Variants in BOC observed in about 807,000 individuals in gnomAD.
BOC encodes BOC cell adhesion associated, oncogene regulated.
In BOC, 76 loss-of-function variants were observed where a neutral mutation model predicts 112.0. That is an observed-to-expected ratio of 0.68 (90% CI 0.56 to 0.82). The LOEUF is 0.82. BOC is among the 40% of genes least tolerant of loss of function. BOC has a pLI of 0.00. For missense variants in BOC, 1,309 were observed against 1,511.7 expected, an observed-to-expected ratio of 0.87 and a Z score of 2.22; for synonymous variants, 580 against 599.8, an observed-to-expected ratio of 0.97 and a Z score of 0.48.
rs150642347 is a variant in BOC at position 113,274,620 on chromosome 3, C to T, written c.1480C>T (p.Arg494Trp). ...SKTDSYELVW[R>W]PRHEGSGRAP... ...GACAGACTCATATGAACTGGTGTGG[C>T]GGCCTCGGCATGAGGGCAGTGGCCG... The change falls in exon 9 of 20, where the codon CGG becomes TGG. Residue 494 changes from arginine (R) to tryptophan (W), a missense_variant. Transcript: ENST00000682979. The surrounding 1 kb of genome is among the most constrained non-coding windows in gnomAD (Gnocchi z 4.8). 3.6e-4 allele frequency: 578 copies of T among 1,611,484 alleles called. 1 individual carries two copies. Among genetic ancestry groups the T allele is most frequent in the African/African-American group, 7.5e-4 (56 of 75,018 alleles).
At chr3:113,276,015 G>C (rs1391360122) in intron 9 of BOC, among the ~76,000 whole-genome samples, 1 of 152,244 alleles carries the variant, frequency 6.6e-6, no homozygotes, top group African/African-American at 2.4e-5. Context: ...TAGGCAGCCA[G>C]CAAAGCGGGT....
chr3:113,271,984 A>C (rs1948170301), intron 6 of BOC: 1 of 202,836 alleles, frequency 4.9e-6, no homozygotes, highest in Non-Finnish European at 1.0e-5. Flanking sequence ...GTTGGGCCTG[A>C]GAACCATAGG....
At chr3:113,261,966 AG>A (rs1946930311) in intron 4 of BOC, 1 of 150,922 alleles carries the variant, frequency 6.6e-6, no homozygotes, top group African/African-American at 2.5e-5. Context: ...GCATCTACAA[AG>A]GTTTGTTTTT....
chr3:113,276,172 A>G (rs896751514), intron 9 of BOC, among the ~76,000 whole-genome samples: 22 of 152,186 alleles, frequency 1.4e-4, no homozygotes, highest in African/African-American at 5.1e-4. Context: ...TTCCCAGGAG[A>G]CAAAACCCAG....
At chr3:113,275,227 C>T (rs1948538303) in intron 9 of BOC, among the ~76,000 whole-genome samples, 1 of 152,230 alleles carries the variant, frequency 6.6e-6, no homozygotes, top group Non-Finnish European at 1.5e-5. Context: ...GTTGGACAAG[C>T]AGGCATTTGA....
Position 113,274,730 on chromosome 3 carries a change from G to T in BOC, c.1542+48G>T. The T allele has an allele frequency of 6.6e-7, 1 of 1,519,600 alleles. No homozygotes were observed. Among genetic ancestry groups the T allele is most frequent in the African/African-American group, 1.4e-5 (1 of 72,682 alleles). 94.1% of individuals were successfully genotyped at this position (1,519,600 alleles called of 1,614,324 possible). On this transcript the variant is annotated intron_variant, in intron 9 of 19. Transcript: ENST00000682979. The surrounding 1 kb of genome is among the most constrained non-coding windows in gnomAD (Gnocchi z 4.8). ...CTGCCTCCCCTGCACAGCCTTTCCA[G>T]CAAGGCTGAGCAGAGTCACTGTCTC...
intron 1 of BOC, among the ~76,000 whole-genome samples, chr3:113,212,917 G>A (rs895305271): frequency 6.6e-6 from 1 of 152,186 alleles, no homozygotes; most frequent in Admixed American, 6.5e-5. Context: ...TGACTTTCAG[G>A]ATGTTCAGTA....
chr3:113,273,706 G>A (rs1434808673), intron 8 of BOC, among the ~76,000 whole-genome samples: 1 of 152,086 alleles, frequency 6.6e-6, no homozygotes, highest in African/African-American at 2.4e-5. Context: ...AGAGCAACAG[G>A]GCAAAGACCC....
rs372029419 is a variant in BOC at position 113,228,984 on chromosome 3, T to TGGCAGAAG, written c.-82+12711_-82+12718dup. 3.1e-3 allele frequency among the ~76,000 whole-genome samples: 467 copies of TGGCAGAAG among 152,338 alleles called. 4 individuals are homozygous for TGGCAGAAG. The highest frequency in any genetic ancestry group is 0.01 in the African/African-American group (429 of 41,570). On this transcript the variant is annotated intron_variant, in intron 2 of 19. Transcript: ENST00000682979. Reference sequence around the variant, plus strand: ...GTGTGTGTGTTTTAATTTTTATTCTTGGCAGAAGTTAAGACACAAGATGGA... The same window carrying TGGCAGAAG: ...GTGTGTGTGTTTTAATTTTTATTCTTGGCAGAAGGGCAGAAGTTAAGACACAAGATGGA...
intron 2 of BOC, among the ~76,000 whole-genome samples, chr3:113,238,591 A>T (rs1943876454): frequency 6.6e-6 from 1 of 152,242 alleles, no homozygotes; most frequent in South Asian, 2.1e-4. Flanking sequence ...GCTACGTAAT[A>T]GTCCATCAAT....
At chr3:113,277,698 TG>T (rs1179016600) in intron 9 of BOC, among the ~76,000 whole-genome samples, 16 of 152,356 alleles carry the variant, frequency 1.1e-4, no homozygotes, top group Admixed American at 9.8e-4. Context: ...TTCTCATCAT[TG>T]TGTCTCATTA....
intron 2 of BOC, among the ~76,000 whole-genome samples, chr3:113,238,215 G>A (rs950506473): frequency 1.3e-5 from 2 of 152,208 alleles, no homozygotes; most frequent in African/African-American, 2.4e-5. Flanking sequence ...CAGAGAGTAT[G>A]AAAATGCAGC....
intron 9 of BOC, among the ~76,000 whole-genome samples, chr3:113,275,857 T>C (rs1009638105): frequency 1.3e-5 from 2 of 152,122 alleles, no homozygotes; most frequent in Non-Finnish European, 2.9e-5. Flanking sequence ...CTAGAAGTCC[T>C]TGGGTCAGGA....
In BOC at chr3:113,256,755, A is replaced by G. The variant is rs191834385; in HGVS notation, c.376+5922A>G. Among the ~76,000 whole-genome samples the G allele has an allele frequency of 5.9e-3, 889 of 151,300 alleles. 7 individuals carry two copies. The highest frequency in any genetic ancestry group is 0.02 in the African/African-American group (828 of 41,202). On this transcript the variant is annotated intron_variant, in intron 4 of 19. Coordinates refer to ENST00000682979, the MANE Select transcript of BOC (RefSeq NM_001378074.1). ...GAGAAGCAGAACCAATAATACATAT[A>G]TGTGTGTGTGTGTGTATATATATAT...
intron 4 of BOC, among the ~76,000 whole-genome samples, chr3:113,253,042 T>G (rs1945826885): frequency 1.3e-5 from 2 of 152,186 alleles, no homozygotes; most frequent in Admixed American, 1.3e-4. Flanking sequence ...ACATTATAAT[T>G]GCATTATAGA....
Position 113,284,426 on chromosome 3 carries a change from G to A in BOC, c.2748G>A (p.Gln916=), listed in dbSNP as rs3814405. 1 of 1,614,236 alleles carries A rather than the reference G, an allele frequency of 6.2e-7. No homozygotes were observed. ...CATTGGGAGGACTCCCAGGCCACCAGGCCAGTGGACAGCCCTACCTCAGTG... is the reference window on the plus strand; with the variant it reads ...CATTGGGAGGACTCCCAGGCCACCAAGCCAGTGGACAGCCCTACCTCAGTG... ...MVPLGGLPGH[Q]ASGQPYLSGI... is the part of the protein sequence containing the mutation. Residue 916 remains glutamine, a synonymous_variant, in exon 17 of 20, where the codon CAG becomes CAA. Transcript: ENST00000682979.
Position 113,286,679 on chromosome 3 carries a change from C to T in BOC, c.3165C>T (p.Pro1055=), listed in dbSNP as rs772090818. ...TCCTACTCTTTCTCCCCTCAGGGCC[C>T]CCATGCTGCTTGGGCCTTGTGCCAG... ...AVWDPPFHSG[P]PCCLGLVPVE... The change falls in exon 20 of 20, where the codon CCC becomes CCT. Residue 1055 remains proline, a synonymous_variant. Transcript: ENST00000682979. 1 of 1,578,338 alleles carries T rather than the reference C, an allele frequency of 6.3e-7. No homozygotes were observed. Among genetic ancestry groups the T allele is most frequent in the East Asian group, 2.3e-5 (1 of 43,560 alleles).
chr3:113,222,279 C>T (rs1232027511), intron 2 of BOC, among the ~76,000 whole-genome samples: 3 of 152,120 alleles, frequency 2.0e-5, no homozygotes, highest in African/African-American at 4.8e-5. Context: ...AAGTGGTGCT[C>T]ACATTTTTTT....
In BOC at chr3:113,249,912, C is replaced by T. The variant is rs1945396100; in HGVS notation, c.97+13C>T. On this transcript the variant is annotated intron_variant, in intron 3 of 19. Coordinates refer to ENST00000682979, the MANE Select transcript of BOC (RefSeq NM_001378074.1). ...TTTGCTGACTTGAGTGAGTGCTTTC[C>T]TTCCCTTTCCCTGCCCTTACAGTCA... 6.2e-7 allele frequency: 1 copy of T among 1,609,140 alleles called. No homozygotes were observed. The highest frequency in any genetic ancestry group is 1.1e-5 in the South Asian group (1 of 90,902).
Sources: gnomAD v4.1 joint callset for allele counts (sites outside exome capture counted in the v4.1 genomes callset) on GRCh38, gnomAD v4.1.1 for gene constraint, Gnocchi (gnomAD v3.1) non-coding constraint, MANE v1.5 for transcripts, NCBI Gene and HGNC (gene_info 2026-07-23, HGNC 2026-07-21) for gene names.